COL26A1: variants seen among roughly 807,000 people sequenced by gnomAD.
COL26A1 encodes the protein collagen type XXVI alpha 1 chain.
Under a neutral mutation model 59.3 loss-of-function variants are expected in COL26A1, and 41 were observed. The ratio of observed to expected loss-of-function variants is 0.69; its 90% CI spans 0.54 to 0.90. The LOEUF is 0.90. Ranked by LOEUF, COL26A1 falls within the 40% of genes least tolerant of loss-of-function variation. COL26A1 has a pLI of 0.00. For synonymous variants in COL26A1, 266 were observed against 256.0 expected (o/e 1.04, Z -0.37); for missense variants, 612 against 602.3 (o/e 1.02, Z -0.17).
At chr7:101,447,046 G>A (rs527750233) in intron 2 of COL26A1, among the ~76,000 whole-genome samples, 5 of 152,184 alleles carry the variant, frequency 3.3e-5, no homozygotes, top group African/African-American at 4.8e-5. Context: ...GTAGGGGGTC[G>A]AAGTGAGGTT....
intron 1 of COL26A1, among the ~76,000 whole-genome samples, chr7:101,376,820 G>T (rs983427031): frequency 6.6e-6 from 1 of 152,084 alleles, no homozygotes; most frequent in Non-Finnish European, 1.5e-5. Flanking sequence ...GATGCCTGTG[G>T]TGAGGACTGA....
intron 3 of COL26A1, among the ~76,000 whole-genome samples, chr7:101,469,974 G>A (rs1793855082): frequency 6.6e-6 from 1 of 152,070 alleles, no homozygotes; most frequent in African/African-American, 2.4e-5. Context: ...GTTGTCTCAC[G>A]ACCATGGGCA....
At chr7:101,406,135 A>G (rs1430517822) in intron 1 of COL26A1, among the ~76,000 whole-genome samples, 1 of 152,210 alleles carries the variant, frequency 6.6e-6, no homozygotes, top group Non-Finnish European at 1.5e-5. Context: ...GTGTTTTTGC[A>G]AAAAGATTTG....
chr7:101,551,035 G>T (rs187126443), intron 9 of COL26A1, 73 bp from the exon 10 acceptor site: 3 of 1,461,802 alleles, frequency 2.1e-6, no homozygotes, highest in East Asian at 2.5e-5. Flanking sequence ...GGGCGGGGAG[G>T]GGGGTGGCCA....
chr7:101,518,858 G>A (rs757657374), intron 3 of COL26A1, among the ~76,000 whole-genome samples: 5 of 152,114 alleles, frequency 3.3e-5, no homozygotes, highest in South Asian at 2.1e-4. Context: ...TCTCTCCACC[G>A]AGCACATTGT....
intron 1 of COL26A1, among the ~76,000 whole-genome samples, chr7:101,379,271 G>T (rs577780437): frequency 6.6e-6 from 1 of 152,212 alleles, no homozygotes; most frequent in East Asian, 1.9e-4. Context: ...TTTGTTCTGC[G>T]ACTGATGACA....
intron 3 of COL26A1, among the ~76,000 whole-genome samples, chr7:101,488,352 AT>A (rs1794312869): frequency 2.1e-5 from 2 of 94,382 alleles, no homozygotes; most frequent in East Asian, 4.0e-4. Context: ...TTTATTTAAT[AT>A]ATATATATAT....
At chr7:101,510,048 G>T (rs1029485916) in intron 3 of COL26A1, among the ~76,000 whole-genome samples, 1 of 99,236 alleles carries the variant, frequency 1.0e-5, no homozygotes, top group Admixed American at 8.6e-5. Flanking sequence ...TTTTAAGAGG[G>T]TCTCACTCTG....
At chr7:101,545,012 C>T (rs964838734) in intron 6 of COL26A1, among the ~76,000 whole-genome samples, 6 of 152,192 alleles carry the variant, frequency 3.9e-5, no homozygotes, top group Non-Finnish European at 5.9e-5. Context: ...GTGGCTTATA[C>T]TTGGTGTTCC....
intron 2 of COL26A1, among the ~76,000 whole-genome samples, chr7:101,423,669 A>C (rs1212433878): frequency 6.6e-6 from 1 of 151,890 alleles, no homozygotes; most frequent in Non-Finnish European, 1.5e-5. Flanking sequence ...TGGCAGGCGG[A>C]GGTTGCAGTG....
At chr7:101,381,384 C>A (rs1433362677) in intron 1 of COL26A1, among the ~76,000 whole-genome samples, 1 of 152,158 alleles carries the variant, frequency 6.6e-6, no homozygotes, top group Non-Finnish European at 1.5e-5. Flanking sequence ...CATCTGGATA[C>A]CCCCTCAACT....
chr7:101,372,078 G>A (rs1359710117), intron 1 of COL26A1, among the ~76,000 whole-genome samples: 1 of 152,194 alleles, frequency 6.6e-6, no homozygotes, highest in African/African-American at 2.4e-5. Flanking sequence ...GTTCATGAAT[G>A]TGACCGTGGA....
chr7:101,476,179 A>T (rs1165468246), intron 3 of COL26A1, among the ~76,000 whole-genome samples: 4 of 135,980 alleles, frequency 2.9e-5, no homozygotes, highest in African/African-American at 1.2e-4. Flanking sequence ...TGTGTGTGTG[A>T]GTAGAGATGG....
chr7:101,375,077 A>T (rs990774987), intron 1 of COL26A1, among the ~76,000 whole-genome samples: 4 of 151,540 alleles, frequency 2.6e-5, no homozygotes, highest in Admixed American at 6.6e-5. Flanking sequence ...AATTTTTTTT[A>T]AATAAATAAA....
chr7:101,549,504 C>T (rs915762996), intron 9 of COL26A1, among the ~76,000 whole-genome samples: 7 of 152,172 alleles, frequency 4.6e-5, no homozygotes, highest in African/African-American at 1.4e-4. Context: ...CCTCAGCCTC[C>T]GGATTAGCCG....
At chr7:101,488,593 C>T (rs1006203822) in intron 3 of COL26A1, among the ~76,000 whole-genome samples, 10 of 151,804 alleles carry the variant, frequency 6.6e-5, no homozygotes, top group African/African-American at 1.7e-4. Flanking sequence ...CCAGGCTGGT[C>T]TCGAACCCCT....
At chr7:101,441,198 C>A (rs910443649) in intron 2 of COL26A1, among the ~76,000 whole-genome samples, 4 of 152,164 alleles carry the variant, frequency 2.6e-5, no homozygotes, top group African/African-American at 9.7e-5. Flanking sequence ...AGTTGCTTAA[C>A]CTCTTTGTGC....
intron 1 of COL26A1, among the ~76,000 whole-genome samples, chr7:101,371,725 G>C (rs1295105041): frequency 6.6e-6 from 1 of 152,092 alleles, no homozygotes; most frequent in Non-Finnish European, 1.5e-5. Context: ...CCAGGAAGTT[G>C]AAGCTGCAGT....
intron 3 of COL26A1, among the ~76,000 whole-genome samples, chr7:101,452,473 A>G (rs1486220317): frequency 1.3e-5 from 2 of 152,208 alleles, no homozygotes; most frequent in Non-Finnish European, 2.9e-5. Flanking sequence ...CCACATTGAT[A>G]TGATCAATAT....
Sources: allele counts gnomAD v4.1 joint callset (sites outside exome capture counted in the v4.1 genomes callset), GRCh38; gene constraint gnomAD v4.1.1; transcripts MANE v1.5; gene names NCBI Gene and HGNC (gene_info 2026-07-23, HGNC 2026-07-21).